NCKAP1: variants seen among roughly 807,000 people sequenced by gnomAD.
NCKAP1 encodes NCK associated protein 1, also known as nck-associated protein 1.
NCKAP1 carries 21 observed loss-of-function variants against 151.2 expected under a neutral mutation model. That is an observed-to-expected ratio of 0.14 (90% CI 0.10 to 0.20). The LOEUF is 0.20. Ranked by LOEUF, NCKAP1 falls within the 10% of genes least tolerant of loss-of-function variation. The pLI is 1.00. For synonymous variants in NCKAP1, 484 were observed against 451.8 expected (o/e 1.07, Z -0.90); for missense variants, 933 against 1,352.1 (o/e 0.69, Z 4.86).
chr2:182,919,545 T>G lies in NCKAP1; in HGVS notation c.*6157A>C, dbSNP rs1346691363. On this transcript the variant is annotated 3_prime_UTR_variant, in exon 31 of 31. Transcript: ENST00000361354. ...TTTCCTCTCAAATAAAGATAAACAT[T>G]CTATATGTAACTTGGAGTGAAACTC... 1 of 152,142 alleles carries G rather than the reference T, an allele frequency of 6.6e-6. No homozygotes were observed. The highest frequency in any genetic ancestry group is 2.4e-5 in the African/African-American group (1 of 41,424). 9.4% of individuals were successfully genotyped at this position (152,142 alleles called of 1,614,324 possible). A position where few individuals can be genotyped will look rare whatever the true frequency, so the allele number is the denominator to read the frequency against.
At position 182,913,221 on chromosome 2, in the gene NCKAP1, T is replaced by G. The variant is rs1220582722; in HGVS notation, c.*12481A>C. On this transcript the variant is annotated 3_prime_UTR_variant, in exon 31 of 31. Transcript: ENST00000361354. ...CAAGCATTTAGGACACTATGTCCTG[T>G]GTATTTATTGATTCAACAAATATTT... The G allele has an allele frequency of 6.6e-6, 1 of 152,222 alleles. No homozygotes were observed. The highest frequency in any genetic ancestry group is 1.5e-5 in the Non-Finnish European group (1 of 68,050). The allele number at this position is 152,222 out of a possible 1,614,324, so 9.4% of individuals were successfully genotyped here. A position where few individuals can be genotyped will look rare whatever the true frequency, so the allele number is the denominator to read the frequency against.
intron 26 of NCKAP1, 22 bp from the exon 27 acceptor site, chr2:182,930,810 CAG>C (rs777115358): frequency 6.3e-7 from 1 of 1,586,426 alleles, no homozygotes; most frequent in South Asian, 1.1e-5. Flanking sequence ...AAAAGAATTA[CAG>C]AGCAATAAAT....
At position 182,910,008 on chromosome 2, in the gene NCKAP1, G is replaced by T. The variant is rs1202385422; in HGVS notation, c.*15694C>A. On this transcript the variant is annotated 3_prime_UTR_variant, in exon 31 of 31. Transcript: ENST00000361354. ...TGAAGGCCAAAATACAAAAGAAAAT[G>T]ATAGGGTCGCAGACAGAAAGTTTTA... is the stretch of plus-strand genomic sequence containing the variant. 2 of 152,200 alleles carry T rather than the reference G, an allele frequency of 1.3e-5. No individual in the cohort carries two copies. The highest frequency in any genetic ancestry group is 2.9e-5 in the Non-Finnish European group (2 of 68,052). The allele number at this position is 152,200 out of a possible 1,614,324, so 9.4% of individuals were successfully genotyped here. A position where few individuals can be genotyped will look rare whatever the true frequency, so the allele number is the denominator to read the frequency against.
intron 1 of NCKAP1, among the ~76,000 whole-genome samples, chr2:183,033,262 C>G (rs1240517008): frequency 6.6e-6 from 1 of 152,178 alleles, no homozygotes; most frequent in Non-Finnish European, 1.5e-5. Flanking sequence ...ATTGTTAAGT[C>G]AAACCATCAC....
At chr2:182,999,366 T>C (rs1698334385) in intron 6 of NCKAP1, among the ~76,000 whole-genome samples, 2 of 152,048 alleles carry the variant, frequency 1.3e-5, no homozygotes, top group East Asian at 3.9e-4. Context: ...AGAATACATA[T>C]AACCACCCAA....
At chr2:182,943,481 T>C (rs1301505128) in intron 23 of NCKAP1, among the ~76,000 whole-genome samples, 2 of 152,110 alleles carry the variant, frequency 1.3e-5, no homozygotes, top group Non-Finnish European at 2.9e-5. Context: ...CTGCTCTCTC[T>C]GGGCCAAAAC....
At chr2:182,956,703 A>T in intron 19 of NCKAP1, 110 bp from the exon 20 acceptor site, 4 of 1,149,816 alleles carry the variant, frequency 3.5e-6, no homozygotes, top group Non-Finnish European at 4.7e-6. Context: ...AGAGAATTCG[A>T]CTTTTTATTC....
intron 7 of NCKAP1, 75 bp downstream of exon 7, chr2:182,995,626 G>T: frequency 7.3e-7 from 1 of 1,364,790 alleles, no homozygotes; most frequent in Non-Finnish European, 1.0e-6. Context: ...GAAACAAACA[G>T]CAACAGCATT....
chr2:182,952,634 G>C lies in NCKAP1; in HGVS notation c.2504-132C>G, dbSNP rs1013386889. ...TGATAAAAGTCTCTAGAGTGAAAGA[G>C]AGAATACAAAATGCAAAAGTAATTC... On this transcript the variant is annotated intron_variant, in intron 22 of 30. Transcript: ENST00000361354. The C allele has an allele frequency of 1.5e-5, 16 of 1,096,830 alleles. No individual in the cohort carries two copies. The East Asian group carries it at 3.9e-4, about 27-fold the overall frequency. The allele number at this position is 1,096,830 out of a possible 1,614,324, so 67.9% of individuals were successfully genotyped here. A position where few individuals can be genotyped will look rare whatever the true frequency, so the allele number is the denominator to read the frequency against.
chr2:182,971,149 C>G (rs191394661), intron 15 of NCKAP1, among the ~76,000 whole-genome samples: 4 of 151,948 alleles, frequency 2.6e-5, no homozygotes, highest in Admixed American at 6.6e-5. Context: ...AATCCCAGCA[C>G]TTTGGGAGGC....
In NCKAP1 at chr2:182,964,648, A is replaced by G. The variant is rs569320274; in HGVS notation, c.1761+28T>C. On this transcript the variant is annotated intron_variant, in intron 17 of 30. Transcript: ENST00000361354. ...TGATCTAGTTTACTTTGCATACCATATAACTCACAGTAGTACACTATAATT... is the reference window on the plus strand; with the variant it reads ...TGATCTAGTTTACTTTGCATACCATGTAACTCACAGTAGTACACTATAATT... 2.0e-5 allele frequency: 30 copies of G among 1,529,664 alleles called. No individual in the cohort carries two copies. The Admixed American group carries it at 3.0e-4, about 15-fold the overall frequency. The allele number at this position is 1,529,664 out of a possible 1,614,324, so 94.8% of individuals were successfully genotyped here. A position where few individuals can be genotyped will look rare whatever the true frequency, so the allele number is the denominator to read the frequency against.
At chr2:183,003,396 C>T in intron 2 of NCKAP1, 71 bp from the exon 3 acceptor site, 1 of 900,534 alleles carries the variant, frequency 1.1e-6, no homozygotes, top group Non-Finnish European at 1.8e-6. Flanking sequence ...AAACTATCTT[C>T]TTTTATGACT....
At chr2:183,009,494 G>C (rs1243520797) in intron 2 of NCKAP1, among the ~76,000 whole-genome samples, 2 of 151,974 alleles carry the variant, frequency 1.3e-5, no homozygotes, top group South Asian at 4.2e-4. Context: ...AAGCAAGCAG[G>C]CAAGCAAGCA....
At chr2:182,945,340 G>T (rs1040991727) in intron 23 of NCKAP1, among the ~76,000 whole-genome samples, 21 of 152,084 alleles carry the variant, frequency 1.4e-4, no homozygotes, top group African/African-American at 5.1e-4. Context: ...GGAGGCTGCA[G>T]TGAGCTATGA....
intron 16 of NCKAP1, among the ~76,000 whole-genome samples, chr2:182,966,792 TCAC>T (rs1216518278): frequency 6.6e-6 from 1 of 152,190 alleles, no homozygotes; most frequent in Non-Finnish European, 1.5e-5. Context: ...CAGGAGGTAG[TCAC>T]CACATCATCT....
intron 14 of NCKAP1, among the ~76,000 whole-genome samples, chr2:182,977,610 C>A (rs1388755697): frequency 1.3e-5 from 2 of 152,116 alleles, no homozygotes; most frequent in African/African-American, 4.8e-5. Flanking sequence ...CCAGTCACAG[C>A]AAGACAAATA....
chr2:183,027,184 T>C (rs1698914484), intron 1 of NCKAP1, among the ~76,000 whole-genome samples: 1 of 152,216 alleles, frequency 6.6e-6, no homozygotes, highest in African/African-American at 2.4e-5. Flanking sequence ...TGTGTACCCA[T>C]GAGCAAGTCA....
At chr2:182,992,669 C>T (rs895421477) in intron 8 of NCKAP1, among the ~76,000 whole-genome samples, 2 of 151,998 alleles carry the variant, frequency 1.3e-5, no homozygotes, top group Non-Finnish European at 2.9e-5. Context: ...ATATCACAAA[C>T]CTGGTCAATG....
chr2:182,995,859 A>T, intron 6 of NCKAP1, 21 bp from the exon 7 acceptor site: 2 of 1,586,634 alleles, frequency 1.3e-6, no homozygotes, highest in Non-Finnish European at 1.7e-6. Context: ...TACGAAAAAA[A>T]AGCTGAAGAA....
Sources: allele counts gnomAD v4.1 joint callset (sites outside exome capture counted in the v4.1 genomes callset), GRCh38; gene constraint gnomAD v4.1.1; transcripts MANE v1.5; gene names NCBI Gene and HGNC (gene_info 2026-07-23, HGNC 2026-07-21).